Variants in TMEM132B observed in about 807,000 individuals in gnomAD.
TMEM132B encodes the protein transmembrane protein 132B.
In TMEM132B, 18 loss-of-function variants were observed where a neutral mutation model predicts 90.8. That is an observed-to-expected ratio of 0.20 (90% CI 0.14 to 0.29). TMEM132B has a LOEUF of 0.29. TMEM132B is among the 10% of genes least tolerant of loss of function. The probability of loss-of-function intolerance (pLI) is 1.00; values close to 1 mark genes in which losing one functional copy is unlikely to be tolerated. For missense variants in TMEM132B, 1,096 were observed against 1,326.8 expected (o/e 0.83, Z 2.70); for synonymous variants, 504 against 523.3 (o/e 0.96, Z 0.50).
intron 3 of TMEM132B, among the ~76,000 whole-genome samples, chr12:125,481,045 G>A (rs911066569): frequency 3.3e-5 from 5 of 152,152 alleles, no homozygotes; most frequent in Non-Finnish European, 5.9e-5. Flanking sequence ...AAAGGCCTTC[G>A]ATAAAATCTG....
chr12:125,443,140 G>C (rs746463902), intron 3 of TMEM132B, among the ~76,000 whole-genome samples: 4 of 152,228 alleles, frequency 2.6e-5, no homozygotes, highest in Non-Finnish European at 5.9e-5. Flanking sequence ...TGCCTTGGGT[G>C]ATGCAGCCTG....
chr12:125,625,256 C>A (rs1319658540), intron 5 of TMEM132B, among the ~76,000 whole-genome samples: 1 of 151,094 alleles, frequency 6.6e-6, no homozygotes, highest in East Asian at 2.0e-4. Context: ...CCTCAGCTTC[C>A]TGAGTAGCTG....
rs1881924090 is a variant in TMEM132B at position 125,477,683 on chromosome 12, C to CGAA, written c.1107-41756_1107-41755insGAA. On this transcript the variant is annotated intron_variant, in intron 3 of 8. Coordinates refer to ENST00000682704, the MANE Select transcript of TMEM132B (RefSeq NM_001366854.1). ...GGTATTTTGGATTTTTAATTTGCTT[C>CGAA]CTTTTAAAGTGTAGATAGAAAAAGT... is the stretch of plus-strand genomic sequence containing the variant. Among the ~76,000 whole-genome samples, 21 of 152,212 alleles carry CGAA rather than the reference C, an allele frequency of 1.4e-4. 1 individual carries two copies. The South Asian group carries it at 4.0e-3, about 29-fold the overall frequency.
At position 125,623,016 on chromosome 12, in the gene TMEM132B, A is replaced by C. The variant is rs187764896; in HGVS notation, c.1438-21060A>C. On this transcript the variant is annotated intron_variant, in intron 5 of 8. Transcript: ENST00000682704. ...TTTATGTACAGACCCTGAACACCTA[A>C]GCTTGTGGCTTGAGCACCTGTGCCA... Among the ~76,000 whole-genome samples, 8 of 152,324 alleles carry C rather than the reference A, an allele frequency of 5.3e-5. No homozygotes were observed. In the East Asian group the frequency reaches 1.5e-3, roughly 29 times the overall value.
chr12:125,461,722 C>G (rs1881440438), intron 3 of TMEM132B, among the ~76,000 whole-genome samples: 1 of 152,202 alleles, frequency 6.6e-6, no homozygotes, highest in Admixed American at 6.5e-5. Context: ...GCACTTTGGA[C>G]TCTGTTGTTT....
In TMEM132B at chr12:125,653,985, G is replaced by A. The variant is rs747995650; in HGVS notation, c.2527G>A (p.Val843Ile). The change falls in exon 9 of 9, where the codon GTT becomes ATT. Residue 843 changes from valine to isoleucine, a missense_variant. Coordinates refer to ENST00000682704, the MANE Select transcript of TMEM132B (RefSeq NM_001366854.1). Reference protein sequence around the residue: ...VQEWFHRGTPVGQEESTNKST... With the variant: ...VQEWFHRGTPIGQEESTNKST... ...GGAATGGTTCCACCGTGGCACACCT[G>A]TTGGCCAAGAGGAAAGTACCAACAA... The A allele has an allele frequency of 6.2e-6, 10 of 1,614,176 alleles. No individual in the cohort carries two copies. The highest frequency in any genetic ancestry group is 8.5e-6 in the Non-Finnish European group (10 of 1,180,032).
At chr12:125,403,725 A>G (rs1280306852) in intron 2 of TMEM132B, among the ~76,000 whole-genome samples, 1 of 152,174 alleles carries the variant, frequency 6.6e-6, no homozygotes, top group East Asian at 1.9e-4. Flanking sequence ...TGTTTTTGAT[A>G]CCCAGCATTC....
At position 125,354,113 on chromosome 12, in the gene TMEM132B, C is replaced by T. The variant is rs73233397; in HGVS notation, c.959+3770C>T. 2.3e-3 allele frequency among the ~76,000 whole-genome samples: 356 copies of T among 152,122 alleles called. 1 individual carries two copies. Among genetic ancestry groups the T allele is most frequent in the Middle Eastern group, 3.4e-3 (1 of 294 alleles). ...AGATTCTTGGCCTTTGGAGTTAAAG[C>T]GACAGGAGAGGGAGAGGACCAGAGG... On this transcript the variant is annotated intron_variant, in intron 2 of 8. Coordinates refer to ENST00000682704, the MANE Select transcript of TMEM132B (RefSeq NM_001366854.1).
chr12:125,262,197 G>A (rs1315846721), intron 1 of TMEM132B, among the ~76,000 whole-genome samples: 1 of 148,764 alleles, frequency 6.7e-6, no homozygotes, highest in Non-Finnish European at 1.5e-5. Flanking sequence ...TTGCTTAATG[G>A]CAGGAGTTTG....
At chr12:125,366,561 T>C (rs1255887157) in intron 2 of TMEM132B, among the ~76,000 whole-genome samples, 1 of 152,222 alleles carries the variant, frequency 6.6e-6, no homozygotes, top group Non-Finnish European at 1.5e-5. Context: ...CTGTAGGTGA[T>C]GTGTTGCTGT....
At chr12:125,446,302 A>G (rs1420886755) in intron 3 of TMEM132B, among the ~76,000 whole-genome samples, 1 of 152,194 alleles carries the variant, frequency 6.6e-6, no homozygotes, top group Admixed American at 6.5e-5. Context: ...AGTTATTATT[A>G]CCTTTGGCAT....
rs1881364844 is a variant in TMEM132B, at chr12:125,458,873, G to A, written c.1106+43196G>A. On this transcript the variant is annotated intron_variant, in intron 3 of 8. Coordinates refer to ENST00000682704, the MANE Select transcript of TMEM132B (RefSeq NM_001366854.1). This position sits in a 1 kb window ranked among gnomAD's most constrained non-coding sequence, Gnocchi z 4.9. ...ACTTGACCTGGCTGTCTTTATTTTA[G>A]TTCCATGCTATGACACTCCTGACAG... Among the ~76,000 whole-genome samples, 1 of 152,176 alleles carries A rather than the reference G, an allele frequency of 6.6e-6. No homozygotes were observed. Among genetic ancestry groups the A allele is most frequent in the Non-Finnish European group, 1.5e-5 (1 of 68,032 alleles).
intron 3 of TMEM132B, among the ~76,000 whole-genome samples, chr12:125,426,619 C>T (rs1003394085): frequency 4.6e-5 from 7 of 152,222 alleles, no homozygotes; most frequent in Admixed American, 1.3e-4. Flanking sequence ...TCATACAGCT[C>T]ATTCCTGGAA....
intron 1 of TMEM132B, among the ~76,000 whole-genome samples, chr12:125,263,388 C>T (rs566923571): frequency 6.6e-6 from 1 of 152,278 alleles, no homozygotes; most frequent in Admixed American, 6.5e-5. Flanking sequence ...CCTCACTTGT[C>T]GACTAGGCAG....
intron 2 of TMEM132B, among the ~76,000 whole-genome samples, chr12:125,389,627 C>G (rs1186303289): frequency 6.6e-6 from 1 of 152,094 alleles, no homozygotes; most frequent in African/African-American, 2.4e-5. Flanking sequence ...GAGCCTAGAA[C>G]AGAGCCTGAT....
intron 1 of TMEM132B, among the ~76,000 whole-genome samples, chr12:125,245,803 A>G (rs1225192589): frequency 6.6e-6 from 1 of 152,128 alleles, no homozygotes; most frequent in Non-Finnish European, 1.5e-5. Flanking sequence ...AGACCCTTCC[A>G]GCCTCTGGCT....
rs76543874 is a variant in TMEM132B at position 125,209,907 on chromosome 12, G to T, written c.67+23041G>T. ...CAGAGTGTCTTCCTCGCCTTGTCCT[G>T]TGAGTCTCGTAGGTGCCTGCTCATT... On this transcript the variant is annotated intron_variant, in intron 1 of 8. Coordinates refer to ENST00000682704, the MANE Select transcript of TMEM132B (RefSeq NM_001366854.1). The surrounding 1 kb of genome is among the most constrained non-coding windows in gnomAD (Gnocchi z 4.4). 3.8e-3 allele frequency among the ~76,000 whole-genome samples: 572 copies of T among 152,256 alleles called. 7 individuals are homozygous for T. Among genetic ancestry groups the T allele is most frequent in the African/African-American group, 0.013 (548 of 41,536 alleles).
chr12:125,373,793 TTTTTG>T (rs1190309910), intron 2 of TMEM132B, among the ~76,000 whole-genome samples: 1 of 151,536 alleles, frequency 6.6e-6, no homozygotes, highest in Admixed American at 6.6e-5. Context: ...GCACAGTTGT[TTTTTG>T]TTTTGTTTTG....
chr12:125,198,147 C>T (rs780090670), intron 1 of TMEM132B, among the ~76,000 whole-genome samples: 37 of 152,278 alleles, frequency 2.4e-4, no homozygotes, highest in Non-Finnish European at 4.6e-4. Flanking sequence ...ATCTGTGACA[C>T]CCAGGCTTAT....
Sources: gnomAD v4.1 joint callset for allele counts (sites outside exome capture counted in the v4.1 genomes callset) on GRCh38, gnomAD v4.1.1 for gene constraint, Gnocchi (gnomAD v3.1) non-coding constraint, MANE v1.5 for transcripts, NCBI Gene and HGNC (gene_info 2026-07-23, HGNC 2026-07-21) for gene names.